CSGALNACT1: variants seen among roughly 807,000 people sequenced by gnomAD.
The protein encoded by CSGALNACT1 is chondroitin sulfate N-acetylgalactosaminyltransferase 1.
CSGALNACT1 carries 52 observed loss-of-function variants against 51.0 expected under a neutral mutation model. The ratio of observed to expected loss-of-function variants is 1.02; its 90% CI spans 0.82 to 1.29. The LOEUF is 1.29. Among genes scored for constraint, CSGALNACT1 ranks in the 50% most tolerant of loss-of-function variants. The probability of loss-of-function intolerance (pLI) is 0.00; values close to 1 mark genes in which losing one functional copy is unlikely to be tolerated. For synonymous variants in CSGALNACT1, 341 were observed against 254.4 expected, an observed-to-expected ratio of 1.34 and a Z score of -3.24; for missense variants, 935 against 679.2, an observed-to-expected ratio of 1.38 and a Z score of -4.19.
intron 2 of CSGALNACT1, among the ~76,000 whole-genome samples, chr8:19,591,874 A>G (rs948751632): frequency 1.3e-5 from 2 of 152,170 alleles, no homozygotes; most frequent in African/African-American, 2.4e-5. Context: ...AGTATTTGCT[A>G]TATTATAGTA....
chr8:19,740,816 G>C (rs756129412), intron 1 of CSGALNACT1, among the ~76,000 whole-genome samples: 1 of 152,188 alleles, frequency 6.6e-6, no homozygotes, highest in South Asian at 2.1e-4. Context: ...CACATGTGAA[G>C]GGTTTCAAAG....
chr8:19,481,207 C>T (rs2071290678), intron 4 of CSGALNACT1, among the ~76,000 whole-genome samples: 2 of 151,994 alleles, frequency 1.3e-5, no homozygotes, highest in African/African-American at 2.4e-5. Flanking sequence ...GCCACCGTGC[C>T]AGTCTTCTCA....
chr8:19,756,294 A>G (rs1484051082), intron 1 of CSGALNACT1, among the ~76,000 whole-genome samples: 2 of 152,174 alleles, frequency 1.3e-5, no homozygotes, highest in Admixed American at 1.3e-4. Context: ...GACGTTAAGT[A>G]AAAACTGCAC....
chr8:19,629,413 C>T (rs939015764), intron 1 of CSGALNACT1, among the ~76,000 whole-genome samples: 3 of 152,246 alleles, frequency 2.0e-5, no homozygotes, highest in South Asian at 4.1e-4. Context: ...TTTGAATCCT[C>T]GTAGGTAACT....
chr8:19,670,393 G>C (rs1239323891), intron 1 of CSGALNACT1, among the ~76,000 whole-genome samples: 1 of 152,050 alleles, frequency 6.6e-6, no homozygotes, highest in African/African-American at 2.4e-5. Context: ...GATTACTGCA[G>C]CCAAGTTATA....
Position 19,505,998 on chromosome 8 carries a change from C to T in CSGALNACT1, c.-164G>A, listed in dbSNP as rs756598649. 53 of 756,562 alleles carry T rather than the reference C, an allele frequency of 7.0e-5. 2 individuals carry two copies. In the South Asian group the frequency reaches 7.5e-4, roughly 11 times the overall value. 46.9% of individuals were successfully genotyped at this position (756,562 alleles called of 1,614,324 possible). A position where few individuals can be genotyped will look rare whatever the true frequency, so the allele number is the denominator to read the frequency against. On this transcript the variant is annotated 5_prime_UTR_variant, in exon 4 of 10. The change creates a new upstream start codon in the 5' untranslated region. Transcript: ENST00000454498. ...GAGTTCTGCCTCTTGGAGTTAACCA[C>T]CACACAGAGCAGCTTCTCTACTTTT...
intron 1 of CSGALNACT1, among the ~76,000 whole-genome samples, chr8:19,659,753 G>C (rs534884850): frequency 6.6e-6 from 1 of 152,250 alleles, no homozygotes; most frequent in Admixed American, 6.5e-5. Context: ...TGTTGCTTAA[G>C]AGCACCTGCC....
At chr8:19,568,685 A>T (rs746330128) in intron 3 of CSGALNACT1, among the ~76,000 whole-genome samples, 3 of 152,226 alleles carry the variant, frequency 2.0e-5, no homozygotes, top group Non-Finnish European at 4.4e-5. Context: ...ATGAGATTCT[A>T]TTCAGTCAAT....
intron 4 of CSGALNACT1, 49 bp downstream of exon 3, chr8:19,505,151 AC>A (rs759688932): frequency 6.2e-7 from 1 of 1,608,828 alleles, no homozygotes; most frequent in Non-Finnish European, 8.5e-7. Context: ...GGTGCCAGGA[AC>A]CCCCAATTCC....
At chr8:19,706,095 C>G (rs117671203) in intron 1 of CSGALNACT1, among the ~76,000 whole-genome samples, 157 of 152,262 alleles carry the variant, frequency 1.0e-3, no homozygotes, top group Non-Finnish European at 1.8e-3. Flanking sequence ...GATTTCTCCA[C>G]CTCCCAATCA....
intron 1 of CSGALNACT1, among the ~76,000 whole-genome samples, chr8:19,625,265 G>A (rs186836336): frequency 3.9e-5 from 6 of 152,340 alleles, no homozygotes; most frequent in African/African-American, 1.2e-4. Context: ...TATTAAGGAG[G>A]AAGAAAAGAA....
intron 3 of CSGALNACT1, among the ~76,000 whole-genome samples, chr8:19,537,877 A>C (rs2154065983): frequency 6.6e-6 from 1 of 152,382 alleles, no homozygotes. Flanking sequence ...CATAAGAACT[A>C]TCAAAGAAAC....
At position 19,584,397 on chromosome 8, in the gene CSGALNACT1, T is replaced by C. The variant is rs572754225; in HGVS notation, c.-297+6763A>G. Among the ~76,000 whole-genome samples, 4 of 151,996 alleles carry C rather than the reference T, an allele frequency of 2.6e-5. No homozygotes were observed. The East Asian group carries it at 7.7e-4, about 29-fold the overall frequency. On this transcript the variant is annotated intron_variant, in intron 3 of 9. Transcript: ENST00000454498. ...AGAATGTCAAACTGGGCTGAAATAT[T>C]TTTTTTTGACACAGTAAGACTTAGC...
At chr8:19,457,572 C>T in intron 5 of CSGALNACT1, 2 of 816,114 alleles carry the variant, frequency 2.5e-6, no homozygotes, top group Non-Finnish European at 1.8e-6. Context: ...GAGTTCGTGC[C>T]ACTGCACTCC....
chr8:19,710,407 A>G (rs1228626949), intron 1 of CSGALNACT1, among the ~76,000 whole-genome samples: 1 of 152,232 alleles, frequency 6.6e-6, no homozygotes, highest in Non-Finnish European at 1.5e-5. Context: ...CCTGTAAAAG[A>G]AATAGATCGC....
At chr8:19,517,995 G>C (rs1467922571) in intron 3 of CSGALNACT1, among the ~76,000 whole-genome samples, 1 of 152,134 alleles carries the variant, frequency 6.6e-6, no homozygotes, top group Non-Finnish European at 1.5e-5. Flanking sequence ...CCTGGCACTG[G>C]GGAGACTCCA....
chr8:19,648,323 C>T (rs1276986007), intron 1 of CSGALNACT1, among the ~76,000 whole-genome samples: 1 of 152,156 alleles, frequency 6.6e-6, no homozygotes, highest in Non-Finnish European at 1.5e-5. Flanking sequence ...TAGAGGCAAA[C>T]TGTCAAAAAC....
At chr8:19,723,674 G>A (rs1380860095) in intron 1 of CSGALNACT1, among the ~76,000 whole-genome samples, 1 of 152,156 alleles carries the variant, frequency 6.6e-6, no homozygotes, top group Non-Finnish European at 1.5e-5. Context: ...ACACTAGGAT[G>A]TACTTTTTGG....
chr8:19,578,970 T>C (rs2044933545), intron 3 of CSGALNACT1, among the ~76,000 whole-genome samples: 1 of 152,116 alleles, frequency 6.6e-6, no homozygotes, highest in Admixed American at 6.5e-5. Flanking sequence ...CCTCAAGTGA[T>C]CCTCCTGCCT....
Sources: gnomAD v4.1 joint callset for allele counts (sites outside exome capture counted in the v4.1 genomes callset) on GRCh38, gnomAD v4.1.1 for gene constraint, MANE v1.5 for transcripts, NCBI Gene and HGNC (gene_info 2026-07-23, HGNC 2026-07-21) for gene names.